The following UFM1 variants were observed in gnomAD, a reference collection of about 807,000 sequenced individuals.
The protein encoded by UFM1 is ubiquitin fold modifier 1.
UFM1 carries 9 observed loss-of-function variants against 15.4 expected under a neutral mutation model. That is an observed-to-expected ratio of 0.59 (90% CI 0.35 to 1.02). The LOEUF (loss-of-function observed/expected upper bound fraction) is 1.02. UFM1 is among the 50% of genes least tolerant of loss of function. UFM1 has a pLI of 0.02. For missense variants in UFM1, 98 were observed against 104.7 expected (o/e 0.94, Z 0.28); for synonymous variants, 27 against 36.3 (o/e 0.74, Z 0.92).
In UFM1 at chr13:38,358,091, A is replaced by G; in HGVS notation, c.118-2A>G. On this transcript the variant is annotated splice_acceptor_variant, in intron 3 of 5. Coordinates refer to ENST00000239878, the MANE Select transcript of UFM1 (RefSeq NM_016617.4). LOFTEE classifies it high-confidence loss of function. Reference sequence around the variant, plus strand: ...TATATATTTTTTTTTCCTTCTATTTAGTTTAAAGTTCCTGCTGCAACAAGT... The same window carrying G: ...TATATATTTTTTTTTCCTTCTATTTGGTTTAAAGTTCCTGCTGCAACAAGT... 2 of 1,350,038 alleles carry G rather than the reference A, an allele frequency of 1.5e-6. No homozygotes were observed. The highest frequency in any genetic ancestry group is 2.0e-6 in the Non-Finnish European group (2 of 1,012,658). The allele number at this position is 1,350,038 out of a possible 1,614,324, so 83.6% of individuals were successfully genotyped here.
rs536535640 is a variant in UFM1 at position 38,363,033 on chromosome 13, C to G, written c.*2255C>G. ...ATTGTCTGTTCTTATTATTAGAGCT[C>G]TTAATCAGCACACCTTTTGAGTCAG... On this transcript the variant is annotated 3_prime_UTR_variant, in exon 6 of 6. Transcript: ENST00000239878. The G allele has an allele frequency of 1.3e-5, 2 of 152,030 alleles. No individual in the cohort carries two copies. Among genetic ancestry groups the G allele is most frequent in the Non-Finnish European group, 2.9e-5 (2 of 68,004 alleles). The allele number at this position is 152,030 out of a possible 1,614,324, so 9.4% of individuals were successfully genotyped here.
In UFM1 at chr13:38,361,300, T is replaced by G. The variant is rs1879375055; in HGVS notation, c.*522T>G. 6.9e-6 allele frequency: 1 copy of G among 145,490 alleles called. No individual in the cohort carries two copies. The allele number at this position is 145,490 out of a possible 1,614,324, so 9.0% of individuals were successfully genotyped here. On this transcript the variant is annotated 3_prime_UTR_variant, in exon 6 of 6. Transcript: ENST00000239878. ...TATATTAAATTTTTATCATTTACTTTTTTTAAGATTCAGACCTCAGTTATA... is the reference window on the plus strand; with the variant it reads ...TATATTAAATTTTTATCATTTACTTGTTTTAAGATTCAGACCTCAGTTATA...
At chr13:38,354,447 T>G in intron 3 of UFM1, 151 bp downstream of exon 3, 1 of 486,604 alleles carries the variant, frequency 2.1e-6, no homozygotes, top group Non-Finnish European at 3.5e-6. Flanking sequence ...TAGTTAAGAC[T>G]TACTTTCAGA....
chr13:38,354,480 A>C, intron 3 of UFM1, 184 bp downstream of exon 3: 1 of 421,508 alleles, frequency 2.4e-6, no homozygotes, highest in South Asian at 8.3e-5. Flanking sequence ...GAGTTAAACA[A>C]ATTGACATAT....
chr13:38,362,101 G>A lies in UFM1; in HGVS notation c.*1323G>A, dbSNP rs1466270196. 3.3e-5 allele frequency: 5 copies of A among 152,190 alleles called. No homozygotes were observed. Among genetic ancestry groups the A allele is most frequent in the African/African-American group, 1.2e-4 (5 of 41,452 alleles). 9.4% of individuals were successfully genotyped at this position (152,190 alleles called of 1,614,324 possible). On this transcript the variant is annotated 3_prime_UTR_variant, in exon 6 of 6. Transcript: ENST00000239878. Reference sequence around the variant, plus strand: ...AGCCCATTAATGATTCAGAATCAGTGCTTGACCTCCTGTATTCTGAATGGT... The same window carrying A: ...AGCCCATTAATGATTCAGAATCAGTACTTGACCTCCTGTATTCTGAATGGT...
At chr13:38,351,074 GA>G (rs764802780) in intron 2 of UFM1, among the ~76,000 whole-genome samples, 6 of 152,150 alleles carry the variant, frequency 3.9e-5, no homozygotes, top group Non-Finnish European at 8.8e-5. Context: ...TAATCACAGT[GA>G]TTTTTTATCT....
chr13:38,362,901 G>C lies in UFM1; in HGVS notation c.*2123G>C, dbSNP rs552110583. 3 of 152,274 alleles carry C rather than the reference G, an allele frequency of 2.0e-5. No individual in the cohort carries two copies. In the South Asian group the frequency reaches 6.2e-4, roughly 32 times the overall value. The allele number at this position is 152,274 out of a possible 1,614,324, so 9.4% of individuals were successfully genotyped here. On this transcript the variant is annotated 3_prime_UTR_variant, in exon 6 of 6. Transcript: ENST00000239878. ...TTTTGTTATTAAAAAAATGTGATCTGTAATTTCTTTGTGCAGAATGATTTG... is the reference window on the plus strand; with the variant it reads ...TTTTGTTATTAAAAAAATGTGATCTCTAATTTCTTTGTGCAGAATGATTTG...
intron 3 of UFM1, among the ~76,000 whole-genome samples, chr13:38,356,701 C>A (rs370826252): frequency 4.2e-3 from 451 of 107,740 alleles, no homozygotes; most frequent in Non-Finnish European, 4.6e-3. Context: ...TTAGTACCAC[C>A]AAAAAAAAAA....
At chr13:38,354,355 G>A in intron 3 of UFM1, 59 bp downstream of exon 3, 1 of 1,477,136 alleles carries the variant, frequency 6.8e-7, no homozygotes, top group Non-Finnish European at 9.4e-7. Context: ...TGCTTCAAAT[G>A]TCTTTAAGAG....
chr13:38,363,257 A>C lies in UFM1; in HGVS notation c.*2479A>C, dbSNP rs1879506637. ...TTTGGATACACAAGTACTTACCATC[A>C]TTTTACAGTTGTTTACAGTATTAGG... On this transcript the variant is annotated 3_prime_UTR_variant, in exon 6 of 6. Coordinates refer to ENST00000239878, the MANE Select transcript of UFM1 (RefSeq NM_016617.4). 1 of 152,140 alleles carries C rather than the reference A, an allele frequency of 6.6e-6. No homozygotes were observed. Among genetic ancestry groups the C allele is most frequent in the African/African-American group, 2.4e-5 (1 of 41,422 alleles). 9.4% of individuals were successfully genotyped at this position (152,140 alleles called of 1,614,324 possible). A position where few individuals can be genotyped will look rare whatever the true frequency, so the allele number is the denominator to read the frequency against.
intron 2 of UFM1, among the ~76,000 whole-genome samples, chr13:38,353,306 T>C (rs1878945963): frequency 6.6e-6 from 1 of 152,134 alleles, no homozygotes; most frequent in Non-Finnish European, 1.5e-5. Flanking sequence ...GGTGGACAAA[T>C]AGAGAAGTTT....
At chr13:38,351,180 C>T (rs962138627) in intron 2 of UFM1, among the ~76,000 whole-genome samples, 6 of 152,180 alleles carry the variant, frequency 3.9e-5, no homozygotes, top group African/African-American at 9.7e-5. Flanking sequence ...ACACCCTCAA[C>T]TCTGGTGGCC....
chr13:38,355,246 G>A (rs1199331240), intron 3 of UFM1, among the ~76,000 whole-genome samples: 1 of 151,970 alleles, frequency 6.6e-6, no homozygotes, highest in African/African-American at 2.4e-5. Context: ...AAAGCTCCTT[G>A]TATTGTCAGG....
intron 2 of UFM1, chr13:38,350,313 C>G (rs1878778578): frequency 7.1e-7 from 1 of 1,402,408 alleles, no homozygotes; most frequent in South Asian, 1.2e-5. Context: ...GACCTCCCCT[C>G]GGAATTCATT....
intron 2 of UFM1, among the ~76,000 whole-genome samples, chr13:38,350,516 C>T (rs931815814): frequency 5.9e-5 from 9 of 152,166 alleles, no homozygotes; most frequent in Non-Finnish European, 1.3e-4. Flanking sequence ...TATTCCGCGG[C>T]TTCTGAGTTT....
intron 3 of UFM1, among the ~76,000 whole-genome samples, chr13:38,357,358 T>C (rs772372133): frequency 1.3e-5 from 2 of 151,942 alleles, no homozygotes; most frequent in Non-Finnish European, 2.9e-5. Context: ...AAGAGAATTA[T>C]AAATGACAAA....
At chr13:38,354,325 T>C in intron 3 of UFM1, 29 bp downstream of exon 3, 6 of 1,595,132 alleles carry the variant, frequency 3.8e-6, no homozygotes, top group Non-Finnish European at 5.1e-6. Flanking sequence ...ACAACCTTTA[T>C]GGAATGCGGT....
intron 2 of UFM1, among the ~76,000 whole-genome samples, chr13:38,351,607 G>A (rs1043264940): frequency 6.6e-6 from 1 of 152,196 alleles, no homozygotes; most frequent in Admixed American, 6.5e-5. Flanking sequence ...CAAGGTTAAA[G>A]TAGATGGAGT....
Position 38,350,071 on chromosome 13 carries a change from G to A in UFM1, c.59+16G>A. ...CGTACAAAGTGTGAGTAGCTCGGCC[G>A]AGATGGGCCTTTTGGGGCCGGACAA... On this transcript the variant is annotated intron_variant, in intron 2 of 5. Transcript: ENST00000239878. 6.2e-7 allele frequency: 1 copy of A among 1,614,238 alleles called. No homozygotes were observed. Among genetic ancestry groups the A allele is most frequent in the African/African-American group, 1.3e-5 (1 of 75,062 alleles).
Sources: allele counts gnomAD v4.1 joint callset (sites outside exome capture counted in the v4.1 genomes callset), GRCh38; gene constraint gnomAD v4.1.1; transcripts MANE v1.5; gene names NCBI Gene and HGNC (gene_info 2026-07-23, HGNC 2026-07-21).